Variants in IPCEF1 observed in about 807,000 individuals in gnomAD.
The protein encoded by IPCEF1 is interactor protein for cytohesin exchange factors 1.
A neutral mutation model predicts 50.9 loss-of-function variants in IPCEF1; 31 were observed. The observed-to-expected ratio is 0.61, with a 90% CI of 0.46 to 0.82. The LOEUF (loss-of-function observed/expected upper bound fraction) is 0.82. Ranked by LOEUF, IPCEF1 falls within the 40% of genes least tolerant of loss-of-function variation. The probability of loss-of-function intolerance (pLI) is 0.00; values close to 1 mark genes in which losing one functional copy is unlikely to be tolerated. For missense variants in IPCEF1, 458 were observed against 514.0 expected (o/e 0.89, Z 1.05); for synonymous variants, 181 against 192.0 (o/e 0.94, Z 0.47).
chr6:154,347,227 CTTATA>C (rs572951666), intron 1 of IPCEF1, among the ~76,000 whole-genome samples: 47 of 152,290 alleles, frequency 3.1e-4, no homozygotes, highest in African/African-American at 1.1e-3. Flanking sequence ...CATCCTTTTC[CTTATA>C]TTATAGTATA....
At chr6:154,276,562 G>C (rs768037655) in intron 2 of IPCEF1, among the ~76,000 whole-genome samples, 37 of 152,144 alleles carry the variant, frequency 2.4e-4, no homozygotes, top group Non-Finnish European at 4.1e-4. Context: ...ACTTTAACAC[G>C]TGAAAAAACG....
intron 10 of IPCEF1, among the ~76,000 whole-genome samples, chr6:154,184,801 A>G (rs894772813): frequency 6.6e-5 from 10 of 152,176 alleles, no homozygotes; most frequent in Admixed American, 6.5e-5. Context: ...TATCAAGTAT[A>G]GTATCTTTCT....
At chr6:154,290,242 AAGTG>A (rs1562581339) in intron 1 of IPCEF1, among the ~76,000 whole-genome samples, 1 of 152,162 alleles carries the variant, frequency 6.6e-6, no homozygotes, top group South Asian at 2.1e-4. Context: ...AAAATGCCTC[AAGTG>A]AGCATGCATG....
At chr6:154,247,664 A>T (rs1279855677) in intron 3 of IPCEF1, 176 bp from the exon 4 acceptor site, 1 of 542,708 alleles carries the variant, frequency 1.8e-6, no homozygotes, top group Non-Finnish European at 3.3e-6. Context: ...TGCTAATTAG[A>T]ATCAATATAC....
intron 5 of IPCEF1, among the ~76,000 whole-genome samples, chr6:154,241,253 A>G (rs1023237917): frequency 7.9e-4 from 119 of 150,760 alleles, no homozygotes; most frequent in Middle Eastern, 3.4e-3. Context: ...AAAAAAAAAA[A>G]AGAGAGAGAG....
At chr6:154,210,918 T>G (rs1380403540) in intron 9 of IPCEF1, among the ~76,000 whole-genome samples, 1 of 152,120 alleles carries the variant, frequency 6.6e-6, no homozygotes, top group African/African-American at 2.4e-5. Flanking sequence ...CCACTGACAG[T>G]GTGAAAAAAC....
intron 3 of IPCEF1, among the ~76,000 whole-genome samples, chr6:154,255,708 T>A (rs1158349081): frequency 6.6e-6 from 1 of 152,210 alleles, no homozygotes; most frequent in East Asian, 1.9e-4. Flanking sequence ...TCTTTTTTAA[T>A]CTCTTTATCT....
Position 154,246,714 on chromosome 6 carries a change from G to A in IPCEF1, c.123C>T (p.Gly41=). 6.2e-7 allele frequency: 1 copy of A among 1,613,948 alleles called. No individual in the cohort carries two copies. The highest frequency in any genetic ancestry group is 8.5e-7 in the Non-Finnish European group (1 of 1,179,956). The change falls in exon 5 of 12, where the codon GGC becomes GGT. Residue 41 remains glycine (G), a synonymous_variant. Transcript: ENST00000367220. The stretch of plus-strand genomic sequence containing the variant: ...ACAGCCACCCTTGGCAGTCAGCATG[G>A]CCCAGATCTTTACACGATATCCTCC... ...SRRRISCKDL[G]HADCQGWLYK...
At chr6:154,192,665 G>GA (rs59125446) in intron 10 of IPCEF1, among the ~76,000 whole-genome samples, 8,292 of 147,344 alleles carry the variant, frequency 0.056, 329 homozygotes, top group South Asian at 0.2. Context: ...AAATTAGGAA[G>GA]AAAAAAAAAT....
chr6:154,223,391 C>T, intron 5 of IPCEF1, 148 bp from the exon 6 acceptor site: 1 of 665,138 alleles, frequency 1.5e-6, no homozygotes, highest in Non-Finnish European at 2.7e-6. Flanking sequence ...ATGGAGGTGT[C>T]CCAGATACAC....
At chr6:154,250,680 A>G (rs1194594553) in intron 3 of IPCEF1, among the ~76,000 whole-genome samples, 1 of 152,262 alleles carries the variant, frequency 6.6e-6, no homozygotes, top group Non-Finnish European at 1.5e-5. Flanking sequence ...ATTGACTTAT[A>G]ATCCATATAG....
At chr6:154,321,885 C>T (rs905567434) in intron 1 of IPCEF1, among the ~76,000 whole-genome samples, 2 of 150,908 alleles carry the variant, frequency 1.3e-5, no homozygotes, top group Non-Finnish European at 1.5e-5. Flanking sequence ...AATGGAACCC[C>T]GATACCAAAA....
chr6:154,157,008 G>A lies in IPCEF1; in HGVS notation c.*2820C>T, dbSNP rs1375022474. 2.0e-5 allele frequency: 3 copies of A among 152,222 alleles called. No homozygotes were observed. The highest frequency in any genetic ancestry group is 2.9e-5 in the Non-Finnish European group (2 of 68,086). The allele number at this position is 152,222 out of a possible 1,614,324, so 9.4% of individuals were successfully genotyped here. On this transcript the variant is annotated 3_prime_UTR_variant, in exon 12 of 12. Transcript: ENST00000367220. Reference sequence around the variant, plus strand: ...TTTCTCTCTCATTCCACAGCTCACAGACACTGCAGGACTGGGTATAGGAAT... The same window carrying A: ...TTTCTCTCTCATTCCACAGCTCACAAACACTGCAGGACTGGGTATAGGAAT...
intron 2 of IPCEF1, among the ~76,000 whole-genome samples, chr6:154,269,201 A>G (rs1298828698): frequency 6.6e-6 from 1 of 152,228 alleles, no homozygotes; most frequent in African/African-American, 2.4e-5. Context: ...CATAAAGGAA[A>G]TCTATAGATT....
intron 1 of IPCEF1, among the ~76,000 whole-genome samples, chr6:154,297,568 A>C (rs931025981): frequency 6.6e-6 from 1 of 152,236 alleles, no homozygotes; most frequent in Non-Finnish European, 1.5e-5. Flanking sequence ...TTGCTTTGAC[A>C]TTTACAAATG....
chr6:154,330,406 C>G (rs540555999), intron 1 of IPCEF1, among the ~76,000 whole-genome samples: 7 of 143,114 alleles, frequency 4.9e-5, no homozygotes, highest in African/African-American at 1.8e-4. Context: ...ACAATCATAG[C>G]TCACTATATA....
intron 7 of IPCEF1, among the ~76,000 whole-genome samples, chr6:154,220,367 G>A (rs1041363318): frequency 1.3e-5 from 2 of 152,218 alleles, no homozygotes; most frequent in African/African-American, 4.8e-5. Flanking sequence ...GATTCAAACA[G>A]CCATTGTTGA....
chr6:154,161,603 CTTTTAAGT>C (rs1799024360), intron 11 of IPCEF1, among the ~76,000 whole-genome samples: 1 of 152,160 alleles, frequency 6.6e-6, no homozygotes, highest in Non-Finnish European at 1.5e-5. Context: ...GACTGATAAG[CTTTTAAGT>C]TTTTATGTTC....
chr6:154,164,262 G>A (rs1167685120), intron 11 of IPCEF1, among the ~76,000 whole-genome samples: 3 of 152,152 alleles, frequency 2.0e-5, no homozygotes, highest in Non-Finnish European at 4.4e-5. Flanking sequence ...AAAATTTTTA[G>A]AACAGGGTCT....
Sources: allele counts gnomAD v4.1 joint callset (sites outside exome capture counted in the v4.1 genomes callset), GRCh38; gene constraint gnomAD v4.1.1; transcripts MANE v1.5; gene names NCBI Gene and HGNC (gene_info 2026-07-23, HGNC 2026-07-21).